The following MIPEP variants were observed in gnomAD, a reference collection of about 807,000 sequenced individuals.
MIPEP encodes the protein mitochondrial intermediate peptidase.
MIPEP carries 79 observed loss-of-function variants against 90.3 expected under a neutral mutation model. The observed-to-expected ratio is 0.87, with a 90% confidence interval of 0.73 to 1.05. The LOEUF (loss-of-function observed/expected upper bound fraction) is 1.05. Ranked by LOEUF, MIPEP falls within the 50% of genes least tolerant of loss-of-function variation. The pLI, the probability that MIPEP is intolerant of heterozygous loss-of-function variation, is 0.00. For synonymous variants in MIPEP, 334 were observed against 315.8 expected (o/e 1.06, Z -0.61); for missense variants, 940 against 905.6 (o/e 1.04, Z -0.49).
At position 23,747,741 on chromosome 13, in the gene MIPEP, T is replaced by TTTG. The variant is rs561128885; in HGVS notation, c.2044+8801_2044+8803dup. ...GTTCCCATTGTAATCATCACAACTT[T>TTTG]TTGTTGTTGTTGTTGTTGAGACGGG... On this transcript the variant is annotated intron_variant, in intron 18 of 18. Transcript: ENST00000382172. Among the ~76,000 whole-genome samples, 157 of 152,196 alleles carry TTTG rather than the reference T, an allele frequency of 1.0e-3. 1 individual carries two copies. Among genetic ancestry groups the TTTG allele is most frequent in the South Asian group, 8.3e-3 (40 of 4,826 alleles).
intron 17 of MIPEP, among the ~76,000 whole-genome samples, chr13:23,759,232 C>T (rs962895175): frequency 6.6e-6 from 1 of 152,106 alleles, no homozygotes; most frequent in African/African-American, 2.4e-5. Flanking sequence ...GATCAGGAGG[C>T]CAAATCAGGG....
intron 16 of MIPEP, among the ~76,000 whole-genome samples, chr13:23,761,959 T>C (rs1441765570): frequency 6.6e-6 from 1 of 152,152 alleles, no homozygotes; most frequent in Non-Finnish European, 1.5e-5. Context: ...ACCCTGTCTC[T>C]ACTAAACATA....
chr13:23,790,413 G>C (rs1397105393), intron 16 of MIPEP, among the ~76,000 whole-genome samples: 3 of 152,168 alleles, frequency 2.0e-5, no homozygotes, highest in African/African-American at 7.2e-5. Context: ...CTCCTCCAAA[G>C]ATGTCCACAT....
intron 1 of MIPEP, among the ~76,000 whole-genome samples, chr13:23,887,285 C>A (rs965805288): frequency 6.6e-6 from 1 of 152,218 alleles, no homozygotes; most frequent in Non-Finnish European, 1.5e-5. Context: ...TGTTAGCACA[C>A]TCAGGAAGGC....
At chr13:23,885,460 G>A (rs1871434929) in intron 2 of MIPEP, among the ~76,000 whole-genome samples, 1 of 152,068 alleles carries the variant, frequency 6.6e-6, no homozygotes, top group African/African-American at 2.4e-5. Flanking sequence ...TGGATTGTTT[G>A]TAACAGAAAG....
At chr13:23,833,837 T>C (rs1039150529) in intron 14 of MIPEP, among the ~76,000 whole-genome samples, 1 of 152,048 alleles carries the variant, frequency 6.6e-6, no homozygotes, top group Non-Finnish European at 1.5e-5. Flanking sequence ...AGACCCTCTT[T>C]CCGCAGCCCT....
At chr13:23,787,740 T>C (rs891754264) in intron 16 of MIPEP, among the ~76,000 whole-genome samples, 5 of 152,180 alleles carry the variant, frequency 3.3e-5, no homozygotes, top group Admixed American at 2.6e-4. Flanking sequence ...ATGCAGCTTT[T>C]CCGAGGCAAG....
chr13:23,855,870 A>C (rs1448245632), intron 10 of MIPEP, among the ~76,000 whole-genome samples: 1 of 152,230 alleles, frequency 6.6e-6, no homozygotes, highest in Admixed American at 6.5e-5. Flanking sequence ...TTGTGTTCCC[A>C]GCATACCTGG....
chr13:23,795,227 G>A (rs1200843651), intron 16 of MIPEP, among the ~76,000 whole-genome samples: 1 of 152,062 alleles, frequency 6.6e-6, no homozygotes, highest in East Asian at 1.9e-4. Context: ...AAAAGAATAG[G>A]AGGAATAAGC....
At position 23,820,471 on chromosome 13, in the gene MIPEP, A is replaced by G. The variant is rs570575361; in HGVS notation, c.1654-10547T>C. 2.0e-5 allele frequency among the ~76,000 whole-genome samples: 3 copies of G among 152,344 alleles called. No individual in the cohort carries two copies. The East Asian group carries it at 5.8e-4, about 29-fold the overall frequency. On this transcript the variant is annotated intron_variant, in intron 14 of 18. Coordinates refer to ENST00000382172, the MANE Select transcript of MIPEP (RefSeq NM_005932.4). ...TTTATAATCAGGTGATTTAATATGT[A>G]CAACACTAGTTGGAAAATGACTTGG...
intron 4 of MIPEP, 69 bp downstream of exon 4, chr13:23,879,199 T>C: frequency 1.1e-6 from 1 of 901,572 alleles, no homozygotes; most frequent in Admixed American, 2.0e-5. Context: ...ACAGAGGCCC[T>C]GAGGGAGAGT....
intron 18 of MIPEP, among the ~76,000 whole-genome samples, chr13:23,743,454 A>G (rs986805020): frequency 6.6e-6 from 1 of 152,238 alleles, no homozygotes; most frequent in Admixed American, 6.5e-5. Context: ...TCAGTTCTTG[A>G]GAAAATCAGA....
At chr13:23,830,291 T>C (rs1054383773) in intron 14 of MIPEP, among the ~76,000 whole-genome samples, 1 of 152,180 alleles carries the variant, frequency 6.6e-6, no homozygotes, top group South Asian at 2.1e-4. Flanking sequence ...AGGCATAAAA[T>C]ATATATTTTT....
intron 16 of MIPEP, chr13:23,765,803 C>A (rs1952586686): frequency 6.6e-6 from 1 of 152,096 alleles, no homozygotes; most frequent in African/African-American, 2.4e-5. Context: ...GATGCAGAGT[C>A]CAGGAATAAT....
intron 15 of MIPEP, among the ~76,000 whole-genome samples, chr13:23,809,034 A>G (rs776254848): frequency 1.3e-5 from 2 of 152,222 alleles, no homozygotes; most frequent in Non-Finnish European, 2.9e-5. Flanking sequence ...TGAGAATTCC[A>G]TAACAATCTC....
At chr13:23,807,811 C>A (rs1304259378) in intron 15 of MIPEP, among the ~76,000 whole-genome samples, 1 of 152,124 alleles carries the variant, frequency 6.6e-6, no homozygotes, top group Non-Finnish European at 1.5e-5. Context: ...AGTTTCATTT[C>A]TTCAATTATG....
At chr13:23,771,470 A>C (rs1952649516) in intron 16 of MIPEP, among the ~76,000 whole-genome samples, 2 of 152,132 alleles carry the variant, frequency 1.3e-5, no homozygotes, top group Non-Finnish European at 2.9e-5. Flanking sequence ...AACCAGTTTC[A>C]AAAATCAGTA....
intron 5 of MIPEP, among the ~76,000 whole-genome samples, chr13:23,874,161 G>GT (rs1870954239): frequency 6.6e-6 from 1 of 152,210 alleles, no homozygotes. Context: ...TAGACTGCAG[G>GT]TGAGTGGGGG....
chr13:23,747,510 T>A (rs767554348), intron 18 of MIPEP: 1 of 501,220 alleles, frequency 2.0e-6, no homozygotes, highest in Non-Finnish European at 4.0e-6. Flanking sequence ...ACAAAAAGTG[T>A]CTAAAACACC....
Sources: gnomAD v4.1 joint callset for allele counts (sites outside exome capture counted in the v4.1 genomes callset) on GRCh38, gnomAD v4.1.1 for gene constraint, MANE v1.5 for transcripts, NCBI Gene and HGNC (gene_info 2026-07-23, HGNC 2026-07-21) for gene names.